CFAP20DC: variants seen among roughly 807,000 people sequenced by gnomAD.
CFAP20DC encodes protein CFAP20DC.
A neutral mutation model predicts 101.7 loss-of-function variants in CFAP20DC; 84 were observed. The ratio of observed to expected loss-of-function variants is 0.83; its 90% confidence interval spans 0.69 to 0.99. The LOEUF is 0.99. Ranked by LOEUF, CFAP20DC falls within the 50% of genes least tolerant of loss-of-function variation. CFAP20DC has a pLI of 0.00. For synonymous variants in CFAP20DC, 359 were observed against 351.2 expected (o/e 1.02, Z -0.25); for missense variants, 1,007 against 970.3 (o/e 1.04, Z -0.50).
In CFAP20DC at chr3:58,729,053, T is replaced by C. The variant is rs917360441; in HGVS notation, c.198-11425A>G. On this transcript the variant is annotated intron_variant, in intron 3 of 3. Coordinates refer to the CFAP20DC transcript ENST00000486145. The surrounding 1 kb of genome is among the most constrained non-coding windows in gnomAD (Gnocchi z 4.4). Reference sequence around the variant, plus strand: ...TCACTCAGTCATATGGAGAGGCCCATATCCCAGCTCAAGTAAAACCTTCAG... The same window carrying C: ...TCACTCAGTCATATGGAGAGGCCCACATCCCAGCTCAAGTAAAACCTTCAG... Among the ~76,000 whole-genome samples, 1 of 152,140 alleles carries C rather than the reference T, an allele frequency of 6.6e-6. No homozygotes were observed. Among genetic ancestry groups the C allele is most frequent in the African/African-American group, 2.4e-5 (1 of 41,420 alleles).
intron 4 of CFAP20DC, among the ~76,000 whole-genome samples, chr3:59,028,639 A>G (rs904628208): frequency 6.6e-6 from 1 of 152,206 alleles, no homozygotes; most frequent in Non-Finnish European, 1.5e-5. Flanking sequence ...TTCAGGCTAC[A>G]TGTTTGAATC....
intron 14 of CFAP20DC, among the ~76,000 whole-genome samples, chr3:58,819,473 C>T (rs2075451720): frequency 6.7e-6 from 1 of 149,320 alleles, no homozygotes. Flanking sequence ...ACCACCGATC[C>T]CACAGAAATA....
intron 4 of CFAP20DC, among the ~76,000 whole-genome samples, chr3:59,011,470 G>A (rs570680114): frequency 6.6e-6 from 1 of 150,558 alleles, no homozygotes; most frequent in Non-Finnish European, 1.5e-5. Context: ...AGGAACTAGA[G>A]AAACAAGAAC....
At chr3:58,773,489 G>A (rs965159300) in intron 15 of CFAP20DC, among the ~76,000 whole-genome samples, 2 of 152,030 alleles carry the variant, frequency 1.3e-5, no homozygotes, top group African/African-American at 2.4e-5. Flanking sequence ...CTGGAGGGTC[G>A]AGGCTATAGT....
intron 3 of CFAP20DC, among the ~76,000 whole-genome samples, chr3:59,040,663 T>C (rs1476335889): frequency 1.3e-5 from 2 of 152,096 alleles, no homozygotes; most frequent in East Asian, 3.9e-4. Flanking sequence ...CTTAACAAAT[T>C]AAGGGATTTT....
At chr3:58,955,064 A>T (rs2090499353) in intron 4 of CFAP20DC, among the ~76,000 whole-genome samples, 2 of 152,132 alleles carry the variant, frequency 1.3e-5, no homozygotes, top group Non-Finnish European at 2.9e-5. Flanking sequence ...TGTAAAATTC[A>T]ATGATTTTTA....
intron 15 of CFAP20DC, among the ~76,000 whole-genome samples, chr3:58,768,022 C>G (rs1256923099): frequency 6.6e-6 from 1 of 152,140 alleles, no homozygotes; most frequent in Non-Finnish European, 1.5e-5. Flanking sequence ...AGGAATAATT[C>G]TAATCTTTTT....
chr3:58,942,621 T>C (rs1210447958), intron 4 of CFAP20DC, among the ~76,000 whole-genome samples: 1 of 152,172 alleles, frequency 6.6e-6, no homozygotes, highest in Non-Finnish European at 1.5e-5. Flanking sequence ...ACCAGGGCCC[T>C]GGGTTTCAGG....
intron 13 of CFAP20DC, among the ~76,000 whole-genome samples, chr3:58,841,352 C>A (rs1031500680): frequency 2.0e-5 from 3 of 152,142 alleles, no homozygotes; most frequent in Non-Finnish European, 4.4e-5. Flanking sequence ...ATGGCTTGAA[C>A]AAAGAGTATT....
Position 58,852,747 on chromosome 3 carries a change from C to T in CFAP20DC, c.1594-3338G>A, listed in dbSNP as rs1441680107. Among the ~76,000 whole-genome samples the T allele has an allele frequency of 8.6e-5, 13 of 151,306 alleles. No homozygotes were observed. In the South Asian group the frequency reaches 1.7e-3, roughly 20 times the overall value. ...TCCTGAATGACTACTGGGTACATAA[C>T]GAAATGAAGGGAGAAATAAAGATGT... On this transcript the variant is annotated intron_variant, in intron 12 of 16. Coordinates refer to ENST00000482387, the MANE Select transcript of CFAP20DC (RefSeq NM_001394063.1).
intron 4 of CFAP20DC, among the ~76,000 whole-genome samples, chr3:58,938,401 T>G (rs575528951): frequency 6.6e-6 from 1 of 152,196 alleles, no homozygotes; most frequent in Non-Finnish European, 1.5e-5. Flanking sequence ...TTCAAATTGA[T>G]AGAGGCTCAT....
Position 58,831,565 on chromosome 3 carries a change from T to C in CFAP20DC, c.2175+121A>G, listed in dbSNP as rs553101539. 133 of 715,722 alleles carry C rather than the reference T, an allele frequency of 1.9e-4. No homozygotes were observed. The East Asian group carries it at 3.3e-3, about 18-fold the overall frequency. The allele number at this position is 715,722 out of a possible 1,614,324, so 44.3% of individuals were successfully genotyped here. A position where few individuals can be genotyped will look rare whatever the true frequency, so the allele number is the denominator to read the frequency against. On this transcript the variant is annotated intron_variant, in intron 14 of 16. Transcript: ENST00000482387. Reference sequence around the variant, plus strand: ...ACACTATTTCAGAATGGACTCTGATTATTTCTCATAGGGAGAGTTCTCATT... The same window carrying C: ...ACACTATTTCAGAATGGACTCTGATCATTTCTCATAGGGAGAGTTCTCATT...
At position 59,028,358 on chromosome 3, in the gene CFAP20DC, C is replaced by T. The variant is rs959963914; in HGVS notation, c.278+11199G>A. Reference sequence around the variant, plus strand: ...TTTCAGTAAAGTCCTTCCTTTAATTCGCAGGCATTTAGCTCTTATAAAGGT... The same window carrying T: ...TTTCAGTAAAGTCCTTCCTTTAATTTGCAGGCATTTAGCTCTTATAAAGGT... On this transcript the variant is annotated intron_variant, in intron 4 of 16. Coordinates refer to ENST00000482387, the MANE Select transcript of CFAP20DC (RefSeq NM_001394063.1). Among the ~76,000 whole-genome samples the T allele has an allele frequency of 7.9e-5, 12 of 152,238 alleles. No individual in the cohort carries two copies. In the East Asian group the frequency reaches 9.6e-4, roughly 12 times the overall value.
Position 58,810,948 on chromosome 3 carries a change from T to C in CFAP20DC, c.2176-4492A>G, listed in dbSNP as rs959805285. Among the ~76,000 whole-genome samples, 33 of 151,982 alleles carry C rather than the reference T, an allele frequency of 2.2e-4. 1 individual carries two copies. The highest frequency in any genetic ancestry group is 2.0e-4 in the Admixed American group (3 of 15,240). On this transcript the variant is annotated intron_variant, in intron 14 of 16. Transcript: ENST00000482387. ...GAGCCAAATCATGAGTGAACTCCCATGCACAATTGCTTCAAAGAGAAGAAA... is the reference window on the plus strand; with the variant it reads ...GAGCCAAATCATGAGTGAACTCCCACGCACAATTGCTTCAAAGAGAAGAAA...
chr3:58,739,837 G>A (rs2067841756), downstream of CFAP20DC, among the ~76,000 whole-genome samples: 1 of 152,172 alleles, frequency 6.6e-6, no homozygotes, highest in African/African-American at 2.4e-5. Flanking sequence ...TTGGCACTGG[G>A]AAGCACATCT....
intron 4 of CFAP20DC, among the ~76,000 whole-genome samples, chr3:58,956,386 A>T (rs2090634052): frequency 6.6e-6 from 1 of 152,094 alleles, no homozygotes; most frequent in South Asian, 2.1e-4. Context: ...CATCAGCAGC[A>T]GTCTAGCAGT....
intron 6 of CFAP20DC, among the ~76,000 whole-genome samples, chr3:58,886,721 A>G (rs1183352835): frequency 6.6e-6 from 1 of 152,140 alleles, no homozygotes; most frequent in East Asian, 1.9e-4. Context: ...TAAAAAAAAG[A>G]AAAAGAAAAA....
intron 15 of CFAP20DC, among the ~76,000 whole-genome samples, chr3:58,774,231 G>A (rs1345144245): frequency 6.6e-6 from 1 of 152,034 alleles, no homozygotes; most frequent in African/African-American, 2.4e-5. Flanking sequence ...TAATCAACAT[G>A]CAAAGAACCA....
Position 58,894,607 on chromosome 3 carries a change from G to T in CFAP20DC, c.551-9898C>A, listed in dbSNP as rs1220393020. Among the ~76,000 whole-genome samples the T allele has an allele frequency of 6.6e-6, 1 of 152,226 alleles. No individual in the cohort carries two copies. Among genetic ancestry groups the T allele is most frequent in the Non-Finnish European group, 1.5e-5 (1 of 68,042 alleles). The stretch of plus-strand genomic sequence containing the variant: ...TTAGATGCTTTCATGGGCTGGCACT[G>T]TCTGTGGGTTTTCCAGGCACACAGT... On this transcript the variant is annotated intron_variant, in intron 6 of 16. Coordinates refer to ENST00000482387, the MANE Select transcript of CFAP20DC (RefSeq NM_001394063.1). This position sits in a 1 kb window ranked among gnomAD's most constrained non-coding sequence, Gnocchi z 4.1.
Sources: allele counts gnomAD v4.1 joint callset (sites outside exome capture counted in the v4.1 genomes callset), GRCh38; gene constraint gnomAD v4.1.1; non-coding constraint Gnocchi (gnomAD v3.1); transcripts MANE v1.5; gene names NCBI Gene and HGNC (gene_info 2026-07-23, HGNC 2026-07-21).